ZNF425: variants seen among roughly 807,000 people sequenced by gnomAD.
ZNF425 encodes zinc finger protein 425.
A neutral mutation model predicts 17.0 loss-of-function variants in ZNF425; 21 were observed. That is an observed-to-expected ratio of 1.23 (90% CI 0.88 to 1.78). The LOEUF is 1.78. ZNF425 is among the 40% of genes most tolerant of loss of function. The pLI is 0.00. For synonymous variants in ZNF425, 433 were observed against 384.1 expected, an observed-to-expected ratio of 1.13 and a Z score of -1.49; for missense variants, 868 against 967.3, an observed-to-expected ratio of 0.90 and a Z score of 1.36.
chr7:149,112,461 C>T lies in ZNF425; in HGVS notation c.146-166G>A, dbSNP rs141974140. ...CCAGCCTGGCCAACACAGCAAACTCCGTCTCTACTAAAATTACAAAAATTA... is the reference window on the plus strand; with the variant it reads ...CCAGCCTGGCCAACACAGCAAACTCTGTCTCTACTAAAATTACAAAAATTA... On this transcript the variant is annotated intron_variant, in intron 2 of 3. Transcript: ENST00000378061. The T allele has an allele frequency of 5.9e-4, 330 of 562,506 alleles. 3 individuals are homozygous for T. The highest frequency in any genetic ancestry group is 5.4e-3 in the African/African-American group (284 of 52,670). 34.8% of individuals were successfully genotyped at this position (562,506 alleles called of 1,614,324 possible).
At chr7:149,123,816 G>GCCA (rs1563149576) in intron 1 of ZNF425, among the ~76,000 whole-genome samples, 1 of 149,284 alleles carries the variant, frequency 6.7e-6, no homozygotes, top group South Asian at 2.1e-4. Context: ...ACAGGCGTGA[G>GCCA]CCACTGCGCC....
intron 1 of ZNF425, among the ~76,000 whole-genome samples, chr7:149,125,358 A>G (rs1291429308): frequency 6.6e-6 from 1 of 152,194 alleles, no homozygotes; most frequent in Non-Finnish European, 1.5e-5. Context: ...CAAATTTTCA[A>G]TACTACATTA....
chr7:149,105,368 T>G lies in ZNF425; in HGVS notation c.503A>C (p.Lys168Thr). The G allele has an allele frequency of 1.2e-6, 2 of 1,612,616 alleles. No individual in the cohort carries two copies. Among genetic ancestry groups the G allele is most frequent in the South Asian group, 2.2e-5 (2 of 90,856 alleles). The change falls in exon 4 of 4, where the codon AAA becomes ACA. Residue 168 changes from lysine to threonine, a missense_variant. Lys to Thr is a moderately conservative substitution (Grantham distance 78). Coordinates refer to ENST00000378061, the MANE Select transcript of ZNF425 (RefSeq NM_001001661.3). ...VSITAYDPDKKDLRHKPRETP... is the reference protein window; with the variant it reads ...VSITAYDPDKTDLRHKPRETP... ...CTCCCGAGGCTTATGCCGCAGGTCTTTCTTGTCTGGATCATATGCTGTGAT... is the reference window on the plus strand; with the variant it reads ...CTCCCGAGGCTTATGCCGCAGGTCTGTCTTGTCTGGATCATATGCTGTGAT...
Position 149,104,261 on chromosome 7 carries a change from C to A in ZNF425, c.1610G>T (p.Arg537Leu). 6.2e-7 allele frequency: 1 copy of A among 1,613,520 alleles called. No individual in the cohort carries two copies. Among genetic ancestry groups the A allele is most frequent in the South Asian group, 1.1e-5 (1 of 91,068 alleles). Residue 537 changes from arginine to leucine, a missense_variant, in exon 4 of 4, where the codon CGA (arginine) becomes CTA (leucine). Arg to Leu is a moderately radical substitution (Grantham distance 102, BLOSUM62 -2). Transcript: ENST00000378061. This position sits in a 1 kb window ranked among gnomAD's most constrained non-coding sequence, Gnocchi z 4.3. ...SCAECGRSFR[R>L]RAHLTEHTRL... ...CGTGTGCTCTGTGAGATGCGCGCGT[C>A]GGCGGAAACTGCGGCCGCACTCGGC... is the stretch of plus-strand genomic sequence containing the variant.
rs62505064 is a variant in ZNF425, at chr7:149,121,167, C to T, written c.19-2819G>A. On this transcript the variant is annotated intron_variant, in intron 1 of 3. Coordinates refer to ENST00000378061, the MANE Select transcript of ZNF425 (RefSeq NM_001001661.3). ...GGAGTGCAGTGGCGGGATCTCGGCT[C>T]ACTGCAAGCTCCGCCTCCCGGGTTC... 0.047 allele frequency among the ~76,000 whole-genome samples: 592 copies of T among 12,662 alleles called. 13 individuals carry two copies. The East Asian group carries it at 1, about 21-fold the overall frequency. 8.3% of individuals were successfully genotyped at this position (12,662 alleles called of 152,430 possible).
chr7:149,110,099 C>T (rs868123473), intron 3 of ZNF425, among the ~76,000 whole-genome samples: 2 of 150,890 alleles, frequency 1.3e-5, no homozygotes, highest in African/African-American at 2.4e-5. Flanking sequence ...TGGTCTCGAA[C>T]TCCTGACCTC....
At chr7:149,126,005 G>C (rs1826460603) in intron 1 of ZNF425, 191 bp downstream of exon 1, 2 of 1,231,196 alleles carry the variant, frequency 1.6e-6, no homozygotes, top group South Asian at 2.7e-5. Context: ...CTTTTCCCCA[G>C]GTCAATTCCA....
chr7:149,119,142 C>G lies in ZNF425; in HGVS notation c.19-794G>C, dbSNP rs1257847269. ...TTTTTTTTTTTTTGAGATGGAGTCT[C>G]TCTCTGACACCCAGGCTGGAGTGCA... On this transcript the variant is annotated intron_variant, in intron 1 of 3. Transcript: ENST00000378061. Among the ~76,000 whole-genome samples, 4 of 140,788 alleles carry G rather than the reference C, an allele frequency of 2.8e-5. No homozygotes were observed. In the Admixed American group the frequency reaches 3.0e-4, roughly 10 times the overall value. The allele number at this position is 140,788 out of a possible 152,430, so 92.4% of individuals were successfully genotyped here. A position where few individuals can be genotyped will look rare whatever the true frequency, so the allele number is the denominator to read the frequency against.
chr7:149,124,293 C>G (rs908858608), intron 1 of ZNF425, among the ~76,000 whole-genome samples: 13 of 148,780 alleles, frequency 8.7e-5, no homozygotes, highest in African/African-American at 1.7e-4. Context: ...GTAGCTGGGA[C>G]TACAGGCCCC....
rs1826008804 is a variant in ZNF425, at chr7:149,103,453, A to G, written c.*159T>C. On this transcript the variant is annotated 3_prime_UTR_variant, in exon 4 of 4. Transcript: ENST00000378061. ...GGCTGGTCTCAAACTTCTGGGCTCA[A>G]GCGATCCTCCCACCTGGGCCTCCCA... 2 of 916,028 alleles carry G rather than the reference A, an allele frequency of 2.2e-6. No individual in the cohort carries two copies. Among genetic ancestry groups the G allele is most frequent in the Admixed American group, 3.0e-5 (1 of 33,388 alleles). 56.7% of individuals were successfully genotyped at this position (916,028 alleles called of 1,614,324 possible).
At chr7:149,125,231 T>C (rs920298690) in intron 1 of ZNF425, among the ~76,000 whole-genome samples, 1 of 152,266 alleles carries the variant, frequency 6.6e-6, no homozygotes, top group Non-Finnish European at 1.5e-5. Flanking sequence ...GATTATAAAA[T>C]TTCATTGGGG....
chr7:149,117,642 CTTTTTTTTTTTTTT>C (rs869026303), intron 2 of ZNF425, among the ~76,000 whole-genome samples: 2 of 54,958 alleles, frequency 3.6e-5, no homozygotes, highest in African/African-American at 7.6e-5. Flanking sequence ...CTTAGTAATT[CTTTTTTTTTTTTTT>C]TTTTTTTTTT....
chr7:149,122,276 G>A (rs1048486937), intron 1 of ZNF425, among the ~76,000 whole-genome samples: 1 of 151,118 alleles, frequency 6.6e-6, no homozygotes, highest in East Asian at 1.9e-4. Context: ...AACTGTCCAA[G>A]GAAGATTCTT....
Position 149,118,321 on chromosome 7 carries a change from A to T in ZNF425, c.46T>A (p.Leu16Ile), listed in dbSNP as rs1826300475. ...TCCCACTCTTGTTCCGAAAAATATA[A>T]GGCCACATCATCAAATGTCACAGTT... Reference protein sequence around the residue: ...SVTVTFDDVALYFSEQEWEIL... With the variant: ...SVTVTFDDVAIYFSEQEWEIL... The change falls in exon 2 of 4, where the codon TTA becomes ATA. Residue 16 changes from leucine (L) to isoleucine (I), a missense_variant. Coordinates refer to ENST00000378061, the MANE Select transcript of ZNF425 (RefSeq NM_001001661.3). The T allele has an allele frequency of 6.2e-7, 1 of 1,614,186 alleles. No homozygotes were observed. Among genetic ancestry groups the T allele is most frequent in the South Asian group, 1.1e-5 (1 of 91,084 alleles).
chr7:149,105,690 G>C, intron 3 of ZNF425, 124 bp from the exon 4 acceptor site: 1 of 603,164 alleles, frequency 1.7e-6, no homozygotes, highest in Non-Finnish European at 2.3e-6. Context: ...TCGCTCTGTT[G>C]TCCAGGCTGG....
At chr7:149,121,742 C>CG in intron 1 of ZNF425, among the ~76,000 whole-genome samples, 1 of 152,118 alleles carries the variant, frequency 6.6e-6, no homozygotes, top group East Asian at 1.9e-4. Context: ...TTAGCACCAT[C>CG]GCCAGCATTT....
Position 149,104,575 on chromosome 7 carries a change from G to T in ZNF425, c.1296C>A (p.His432Gln). 6.2e-7 allele frequency: 1 copy of T among 1,613,934 alleles called. No individual in the cohort carries two copies. The highest frequency in any genetic ancestry group is 8.5e-7 in the Non-Finnish European group (1 of 1,179,984). The change falls in exon 4 of 4, where the codon CAC becomes CAA. Residue 432 changes from histidine to glutamine, a missense_variant. Physicochemically the swap from His to Gln is conservative, Grantham distance 24 (BLOSUM62 0). This residue lies in a region of ZNF425 where 437 missense variants were observed against 444.2 expected (regional missense o/e 0.98). Transcript: ENST00000378061. The surrounding 1 kb of genome is among the most constrained non-coding windows in gnomAD (Gnocchi z 4.3). ...GCCGCTTCCCAATGTGCTGCAGCCCGTGGGCTTTCAGGCTTCTCTTGAGGC... is the reference window on the plus strand; with the variant it reads ...GCCGCTTCCCAATGTGCTGCAGCCCTTGGGCTTTCAGGCTTCTCTTGAGGC... ...SFRLKRSLKA[H>Q]GLQHIGKRPF... is the part of the protein sequence containing the mutation.
intron 2 of ZNF425, among the ~76,000 whole-genome samples, chr7:149,113,959 G>C (rs1011322688): frequency 2.0e-5 from 3 of 150,300 alleles, no homozygotes; most frequent in African/African-American, 7.4e-5. Context: ...AGGCTGCAGT[G>C]AGCTGTGATT....
chr7:149,121,150 G>A (rs1826345750), intron 1 of ZNF425, among the ~76,000 whole-genome samples: 2 of 26,220 alleles, frequency 7.6e-5, no homozygotes, highest in African/African-American at 1.5e-4. Flanking sequence ...CTGGAGTGCA[G>A]TGGCGGGATC....
Sources: gnomAD v4.1 joint callset for allele counts (sites outside exome capture counted in the v4.1 genomes callset) on GRCh38, gnomAD v4.1.1 for gene constraint, gnomAD v4.1.1 regional missense constraint, Gnocchi (gnomAD v3.1) non-coding constraint, MANE v1.5 for transcripts, NCBI Gene and HGNC (gene_info 2026-07-23, HGNC 2026-07-21) for gene names.